Variants in IL9R observed in about 807,000 individuals in gnomAD.
IL9R encodes the protein interleukin-9 receptor.
A neutral mutation model predicts 56.3 loss-of-function variants in IL9R; 54 were observed. The ratio of observed to expected loss-of-function variants is 0.96; its 90% confidence interval spans 0.77 to 1.20. The LOEUF (loss-of-function observed/expected upper bound fraction) is 1.20, where lower values mean the gene tolerates loss of function less well. Among genes scored for constraint, IL9R ranks in the 50% most tolerant of loss-of-function variants. The pLI is 0.00. For synonymous variants in IL9R, 212 were observed against 250.2 expected (o/e 0.85, Z 1.44); for missense variants, 545 against 629.8 (o/e 0.87, Z 1.44).
At chrX:156,008,895 G>T (rs2068188404) in intron 8 of IL9R, among the ~76,000 whole-genome samples, 1 of 151,966 alleles carries the variant, frequency 6.6e-6, no homozygotes, top group Non-Finnish European at 1.5e-5. Context: ...GTGTGTTTAT[G>T]TGTCTGTGTG....
At chrX:156,002,558 G>A (rs2067605736) in intron 1 of IL9R, among the ~76,000 whole-genome samples, 1 of 152,314 alleles carries the variant, frequency 6.6e-6, no homozygotes, top group Non-Finnish European at 1.5e-5. Flanking sequence ...GCCTGGGCCC[G>A]GGAATGGGGG....
chrX:155,998,511 G>A (rs2067292055), intron 1 of IL9R, among the ~76,000 whole-genome samples: 1 of 151,972 alleles, frequency 6.6e-6, no homozygotes, highest in Admixed American at 6.6e-5. Flanking sequence ...GCTGTTCTGG[G>A]CTCACCCTCT....
chrX:156,009,543 C>T (rs1423981285), intron 8 of IL9R, among the ~76,000 whole-genome samples: 1 of 146,286 alleles, frequency 6.8e-6, no homozygotes, highest in African/African-American at 2.7e-5. Context: ...CCATCTGTAC[C>T]TCGGTTCAGG....
intron 8 of IL9R, among the ~76,000 whole-genome samples, chrX:156,009,387 G>A (rs1395325106): frequency 6.8e-6 from 1 of 147,926 alleles, no homozygotes; most frequent in Non-Finnish European, 1.5e-5. Flanking sequence ...GTGTGTGTTT[G>A]TGTGTGTGTG....
At chrX:155,998,215 A>G (rs2067267960) in intron 1 of IL9R, among the ~76,000 whole-genome samples, 1 of 151,928 alleles carries the variant, frequency 6.6e-6, no homozygotes, top group African/African-American at 2.4e-5. Flanking sequence ...GAAAGCTTCT[A>G]CCAACCCCGA....
intron 7 of IL9R, 137 bp downstream of exon 7, chrX:156,006,325 G>C (rs941545237): frequency 1.9e-4 from 120 of 628,790 alleles, no homozygotes; most frequent in South Asian, 1.1e-3. Context: ...CCCTTGTCTG[G>C]TTCCTCCCCT....
chrX:156,000,379 C>A (rs1431776288), intron 1 of IL9R, among the ~76,000 whole-genome samples: 1 of 152,078 alleles, frequency 6.6e-6, no homozygotes, highest in Non-Finnish European at 1.5e-5. Context: ...GCAGGGCAGG[C>A]AGGCTATGAG....
At chrX:155,998,183 T>A (rs1183751625) in intron 1 of IL9R, among the ~76,000 whole-genome samples, 4 of 151,866 alleles carry the variant, frequency 2.6e-5, no homozygotes, top group Admixed American at 1.3e-4. Context: ...GGGGTGGAGC[T>A]GAGGTCTAGG....
rs373750786 is a variant in IL9R at position 155,997,721 on chromosome X, G to T, written c.-39G>T. 4.3e-6 allele frequency: 7 copies of T among 1,610,036 alleles called. No individual in the cohort carries two copies. Among genetic ancestry groups the T allele is most frequent in the Non-Finnish European group, 6.0e-6 (7 of 1,176,428 alleles). ...GCTGTGCACCCAGAGATAGTTGGGT[G>T]ACAAATCACCTCCAGGTTGGGGATG... On this transcript the variant is annotated 5_prime_UTR_variant, in exon 1 of 9. Coordinates refer to ENST00000244174, the MANE Select transcript of IL9R (RefSeq NM_002186.3).
chrX:156,006,439 C>T (rs1301531113), intron 7 of IL9R, among the ~76,000 whole-genome samples: 1 of 148,002 alleles, frequency 6.8e-6, no homozygotes, highest in Non-Finnish European at 1.5e-5. Context: ...GAAGGGGGGT[C>T]TGAGGCAGAG....
intron 1 of IL9R, chrX:156,001,288 G>T: frequency 1.3e-6 from 1 of 782,082 alleles, no homozygotes; most frequent in South Asian, 1.4e-5. Flanking sequence ...CTGGGGCCTG[G>T]GTCAGCTCTC....
At chrX:156,002,727 T>C (rs1190446960) in intron 1 of IL9R, among the ~76,000 whole-genome samples, 179 bp from the exon 2 acceptor site, 1 of 152,198 alleles carries the variant, frequency 6.6e-6, no homozygotes, top group African/African-American at 2.4e-5. Context: ...GCTCAGTTCC[T>C]TATCAGTAAA....
Position 156,004,521 on chromosome X carries a change from C to G in IL9R, c.535C>G (p.Leu179Val), listed in dbSNP as rs372398946. The change falls in exon 5 of 9, where the codon CTC (leucine) becomes GTC (valine). Residue 179 changes from leucine (L) to valine (V), a missense_variant. Leu to Val is a conservative substitution (Grantham distance 32). Coordinates refer to ENST00000244174, the MANE Select transcript of IL9R (RefSeq NM_002186.3). ...SPALEPMTTL[L>V]SYELAFKKQE... ...TGCCTTGGAGCCAATGACCACACTT[C>G]TCAGCTATGAGCTGGCCTTCAAGAA... 4.2e-5 allele frequency: 67 copies of G among 1,613,376 alleles called. No individual in the cohort carries two copies. The highest frequency in any genetic ancestry group is 3.5e-4 in the Middle Eastern group (2 of 5,674).
At chrX:156,006,006 C>G (rs1402972574) in intron 6 of IL9R, 77 bp from the exon 7 acceptor site, 1 of 705,624 alleles carries the variant, frequency 1.4e-6, no homozygotes, top group Non-Finnish European at 2.5e-6. Flanking sequence ...CTAAAGGGCG[C>G]ACCTTTGCCA....
intron 1 of IL9R, among the ~76,000 whole-genome samples, chrX:156,002,540 A>G (rs2067603940): frequency 6.6e-6 from 1 of 152,190 alleles, no homozygotes; most frequent in South Asian, 2.1e-4. Context: ...ACTCCCCTGC[A>G]GGATGGGGCC....
At chrX:156,000,392 C>T (rs1395926381) in intron 1 of IL9R, among the ~76,000 whole-genome samples, 1 of 152,050 alleles carries the variant, frequency 6.6e-6, no homozygotes, top group Non-Finnish European at 1.5e-5. Flanking sequence ...GCTATGAGGC[C>T]TAGTAGGCAT....
intron 3 of IL9R, 41 bp from the exon 4 acceptor site, chrX:156,003,636 C>G: frequency 6.2e-7 from 1 of 1,611,754 alleles, no homozygotes; most frequent in South Asian, 1.1e-5. Context: ...TATGCCAGGA[C>G]AGTGTAGCAG....
rs779668020 is a variant in IL9R at position 156,007,433 on chromosome X, C to G, written c.888-90C>G. 3 of 837,492 alleles carry G rather than the reference C, an allele frequency of 3.6e-6. No homozygotes were observed. In the African/African-American group the frequency reaches 5.1e-5, roughly 14 times the overall value. The allele number at this position is 837,492 out of a possible 1,614,324, so 51.9% of individuals were successfully genotyped here. ...AGTGGCAGGGACGAGGTGGGCGGAC[C>G]TCCTGCTGATGGAAGGAAGCTCAGC... On this transcript the variant is annotated intron_variant, in intron 7 of 8. Transcript: ENST00000244174.
chrX:155,997,879 G>T (rs1165788474), intron 1 of IL9R, 92 bp downstream of exon 1: 4 of 1,219,202 alleles, frequency 3.3e-6, no homozygotes, highest in Non-Finnish European at 1.2e-6. Flanking sequence ...TCGGGGCCCA[G>T]GGAGCCACTG....
Sources: gnomAD v4.1 joint callset for allele counts (sites outside exome capture counted in the v4.1 genomes callset) on GRCh38, gnomAD v4.1.1 for gene constraint, MANE v1.5 for transcripts, NCBI Gene and HGNC (gene_info 2026-07-23, HGNC 2026-07-21) for gene names.